GRIK4: variants seen among roughly 807,000 people sequenced by gnomAD.
The protein encoded by GRIK4 is glutamate ionotropic receptor kainate type subunit 4, also known as glutamate receptor ionotropic, kainate 4.
In GRIK4, 40 loss-of-function variants were observed where a neutral mutation model predicts 104.9. That is an observed-to-expected ratio of 0.38 (90% CI 0.30 to 0.50). GRIK4 has a LOEUF of 0.50. GRIK4 is among the 20% of genes least tolerant of loss of function. GRIK4 has a pLI of 0.93. For synonymous variants in GRIK4, 485 were observed against 524.9 expected (o/e 0.92, Z 1.04); for missense variants, 1,047 against 1,308.1 (o/e 0.80, Z 3.08).
intron 3 of GRIK4, among the ~76,000 whole-genome samples, chr11:120,756,771 G>T (rs1367573400): frequency 1.3e-5 from 2 of 152,208 alleles, no homozygotes; most frequent in African/African-American, 4.8e-5. Flanking sequence ...AATAAGTATA[G>T]GGGAGCATCC....
At chr11:120,557,992 T>C (rs1276711524) in intron 1 of GRIK4, among the ~76,000 whole-genome samples, 2 of 119,008 alleles carry the variant, frequency 1.7e-5, no homozygotes, top group Non-Finnish European at 3.2e-5. Flanking sequence ...CAGTCCAGCC[T>C]GGGCGACAGA....
At chr11:120,835,387 G>C (rs780055212) in intron 7 of GRIK4, among the ~76,000 whole-genome samples, 8 of 152,188 alleles carry the variant, frequency 5.3e-5, no homozygotes, top group Non-Finnish European at 1.0e-4. Context: ...AATTAGCCAG[G>C]TGTGGTCGTG....
chr11:120,934,156 G>A (rs192430259), intron 13 of GRIK4, among the ~76,000 whole-genome samples: 64 of 133,610 alleles, frequency 4.8e-4, no homozygotes, highest in African/African-American at 1.7e-3. Context: ...AGTGAGCCGA[G>A]ATCACGCCAC....
At chr11:120,723,632 G>A (rs1950971710) in intron 3 of GRIK4, among the ~76,000 whole-genome samples, 2 of 152,140 alleles carry the variant, frequency 1.3e-5, no homozygotes, top group African/African-American at 4.8e-5. Flanking sequence ...GTGTTGATTT[G>A]CCCACATGAA....
chr11:120,748,329 G>C (rs1248786821), intron 3 of GRIK4, among the ~76,000 whole-genome samples: 1 of 152,036 alleles, frequency 6.6e-6, no homozygotes, highest in Non-Finnish European at 1.5e-5. Flanking sequence ...AATTGATTCT[G>C]TCTTCTTCTT....
At position 120,917,269 on chromosome 11, in the gene GRIK4, A is replaced by AAAAAG. The variant is rs1463389337; in HGVS notation, c.1476+11779_1476+11780insAGAAA. On this transcript the variant is annotated intron_variant, in intron 13 of 20. Coordinates refer to ENST00000527524, the MANE Select transcript of GRIK4 (RefSeq NM_014619.5). ...TCTCAAAAAAAAAAAAAAAAAAAAA[A>AAAAAG]AAAGAAAGAAAGAAAGAAAGAAAGA... is the stretch of plus-strand genomic sequence containing the variant. Among the ~76,000 whole-genome samples the AAAAAG allele has an allele frequency of 1.7e-3, 241 of 138,274 alleles. 1 individual carries two copies. Among genetic ancestry groups the AAAAAG allele is most frequent in the East Asian group, 6.0e-3 (29 of 4,856 alleles). 90.7% of individuals were successfully genotyped at this position (138,274 alleles called of 152,430 possible). A position where few individuals can be genotyped will look rare whatever the true frequency, so the allele number is the denominator to read the frequency against.
At chr11:120,754,003 TTC>T (rs1261120765) in intron 3 of GRIK4, among the ~76,000 whole-genome samples, 1 of 152,114 alleles carries the variant, frequency 6.6e-6, no homozygotes, top group African/African-American at 2.4e-5. Flanking sequence ...CTCATGTACT[TTC>T]TGTGTCTTTA....
Position 120,953,010 on chromosome 11 carries a change from C to A in GRIK4, c.1700+46C>A. ...CTGTCCTTACACCGCCACCTCGTGT[C>A]CACCTCTGGGAACTGCATGGGGAGG... On this transcript the variant is annotated intron_variant, in intron 15 of 20. Transcript: ENST00000527524. This position sits in a 1 kb window ranked among gnomAD's most constrained non-coding sequence, Gnocchi z 4.9. 1 of 1,280,738 alleles carries A rather than the reference C, an allele frequency of 7.8e-7. No homozygotes were observed. The highest frequency in any genetic ancestry group is 1.1e-6 in the Non-Finnish European group (1 of 879,170). The allele number at this position is 1,280,738 out of a possible 1,614,324, so 79.3% of individuals were successfully genotyped here.
intron 3 of GRIK4, among the ~76,000 whole-genome samples, chr11:120,772,608 C>T (rs1430941497): frequency 1.3e-5 from 2 of 152,000 alleles, no homozygotes; most frequent in African/African-American, 4.8e-5. Context: ...CAAGCTTGAA[C>T]TAGGCTGGTA....
chr11:120,979,673 T>A (rs1262109558), intron 19 of GRIK4, among the ~76,000 whole-genome samples: 1 of 151,686 alleles, frequency 6.6e-6, no homozygotes. Flanking sequence ...AGAGAGCCAG[T>A]GGAGAGAAGA....
intron 1 of GRIK4, among the ~76,000 whole-genome samples, chr11:120,640,522 T>TA (rs960761923): frequency 5.3e-5 from 8 of 151,314 alleles, no homozygotes; most frequent in South Asian, 4.2e-4. Context: ...TCTATTAATT[T>TA]AAAAAAAAAT....
chr11:120,660,652 G>A (rs1759795562), intron 3 of GRIK4, among the ~76,000 whole-genome samples: 1 of 152,226 alleles, frequency 6.6e-6, no homozygotes, highest in South Asian at 2.1e-4. Flanking sequence ...TGCAGTCAAT[G>A]TAGGTTCAGC....
intron 1 of GRIK4, among the ~76,000 whole-genome samples, chr11:120,556,137 G>A (rs116515056): frequency 1.1e-3 from 169 of 152,260 alleles, no homozygotes; most frequent in African/African-American, 3.8e-3. Flanking sequence ...AGAAGATGGC[G>A]GGGAGTGCTG....
chr11:120,904,023 G>C (rs192971329), intron 12 of GRIK4, among the ~76,000 whole-genome samples: 2 of 152,238 alleles, frequency 1.3e-5, no homozygotes, highest in East Asian at 1.9e-4. Context: ...GGCTGCTTCT[G>C]TGTTGTCTTC....
In GRIK4 at chr11:120,902,120, C is replaced by T. The variant is rs1942752704; in HGVS notation, c.1273-3170C>T. On this transcript the variant is annotated intron_variant, in intron 12 of 20. Coordinates refer to ENST00000527524, the MANE Select transcript of GRIK4 (RefSeq NM_014619.5). The surrounding 1 kb of genome is among the most constrained non-coding windows in gnomAD (Gnocchi z 4.5). ...ATGATTTATCCCTTAAAACTCAGCA[C>T]ACATTCATGTTGTCTCCCCGCTCTG... Among the ~76,000 whole-genome samples, 1 of 152,174 alleles carries T rather than the reference C, an allele frequency of 6.6e-6. No individual in the cohort carries two copies. Among genetic ancestry groups the T allele is most frequent in the South Asian group, 2.1e-4 (1 of 4,828 alleles).
At chr11:120,758,426 G>C (rs905714065) in intron 3 of GRIK4, among the ~76,000 whole-genome samples, 1 of 152,094 alleles carries the variant, frequency 6.6e-6, no homozygotes, top group Non-Finnish European at 1.5e-5. Flanking sequence ...ACTTGGTTTA[G>C]AGAAAAGTGT....
intron 19 of GRIK4, among the ~76,000 whole-genome samples, chr11:120,971,360 A>G (rs1269966382): frequency 6.6e-6 from 1 of 152,214 alleles, no homozygotes; most frequent in Non-Finnish European, 1.5e-5. Flanking sequence ...ATGAACAACA[A>G]ATGAATAGAT....
At chr11:120,912,185 C>T (rs1406689691) in intron 13 of GRIK4, among the ~76,000 whole-genome samples, 3 of 152,040 alleles carry the variant, frequency 2.0e-5, no homozygotes, top group African/African-American at 4.8e-5. Flanking sequence ...CTTGGACATA[C>T]GGGTGGTTGG....
At chr11:120,965,908 T>C (rs1395509935) in intron 18 of GRIK4, among the ~76,000 whole-genome samples, 1 of 152,168 alleles carries the variant, frequency 6.6e-6, no homozygotes, top group Non-Finnish European at 1.5e-5. Flanking sequence ...ATGGTAGCCT[T>C]TCTCCTCTGG....
Sources: allele counts gnomAD v4.1 joint callset (sites outside exome capture counted in the v4.1 genomes callset), GRCh38; gene constraint gnomAD v4.1.1; non-coding constraint Gnocchi (gnomAD v3.1); transcripts MANE v1.5; gene names NCBI Gene and HGNC (gene_info 2026-07-23, HGNC 2026-07-21).